BMP2K: variants seen among roughly 807,000 people sequenced by gnomAD.
The protein encoded by BMP2K is BMP-2-inducible protein kinase.
A neutral mutation model predicts 116.0 loss-of-function variants in BMP2K; 74 were observed. The observed-to-expected ratio is 0.64, with a 90% CI of 0.53 to 0.77. BMP2K has a LOEUF of 0.77. Ranked by LOEUF, BMP2K falls within the 30% of genes least tolerant of loss-of-function variation. The probability of loss-of-function intolerance (pLI) is 0.00; values close to 1 mark genes in which losing one functional copy is unlikely to be tolerated. For synonymous variants in BMP2K, 486 were observed against 502.5 expected (o/e 0.97, Z 0.44); for missense variants, 1,365 against 1,403.6 (o/e 0.97, Z 0.44).
At chr4:78,823,596 G>A (rs1174106574) in intron 1 of BMP2K, among the ~76,000 whole-genome samples, 4 of 147,272 alleles carry the variant, frequency 2.7e-5, no homozygotes, top group Non-Finnish European at 6.0e-5. Flanking sequence ...AGGTATATAT[G>A]TAGGTATATA....
At position 78,912,136 on chromosome 4, in the gene BMP2K, T is replaced by A; in HGVS notation, c.*103T>A. Reference sequence around the variant, plus strand: ...GGTAGCTCTTTATAGCATTCATTCTTAAAGATCAGTCAGAATAGGTGATTT... The same window carrying A: ...GGTAGCTCTTTATAGCATTCATTCTAAAAGATCAGTCAGAATAGGTGATTT... On this transcript the variant is annotated 3_prime_UTR_variant, in exon 16 of 16. Transcript: ENST00000502613. The A allele has an allele frequency of 9.7e-7, 1 of 1,027,778 alleles. No individual in the cohort carries two copies. Among genetic ancestry groups the A allele is most frequent in the Non-Finnish European group, 1.5e-6 (1 of 688,594 alleles). 63.7% of individuals were successfully genotyped at this position (1,027,778 alleles called of 1,614,324 possible).
At chr4:78,847,402 AC>A in intron 6 of BMP2K, 133 bp downstream of exon 6, 1 of 430,910 alleles carries the variant, frequency 2.3e-6, no homozygotes, top group Non-Finnish European at 4.0e-6. Flanking sequence ...AGAGCTTCTT[AC>A]TTGGGAGAAG....
intron 1 of BMP2K, among the ~76,000 whole-genome samples, chr4:78,782,958 A>G (rs569176605): frequency 2.0e-5 from 3 of 152,340 alleles, no homozygotes; most frequent in South Asian, 4.1e-4. Flanking sequence ...AATATCTATT[A>G]TGAAGATTAG....
At chr4:78,882,499 T>C (rs1732914736) in intron 14 of BMP2K, among the ~76,000 whole-genome samples, 1 of 151,828 alleles carries the variant, frequency 6.6e-6, no homozygotes, top group Non-Finnish European at 1.5e-5. Flanking sequence ...GAGTAGTATG[T>C]AAACTTTAGC....
intron 7 of BMP2K, among the ~76,000 whole-genome samples, chr4:78,851,779 G>A (rs1413551473): frequency 1.3e-5 from 2 of 151,998 alleles, no homozygotes; most frequent in African/African-American, 4.8e-5. Flanking sequence ...AAAAATAAAT[G>A]TACTTGAAGA....
chr4:78,820,481 ATGTG>A (rs1729565219), intron 1 of BMP2K, among the ~76,000 whole-genome samples: 1 of 151,916 alleles, frequency 6.6e-6, no homozygotes, highest in Non-Finnish European at 1.5e-5. Flanking sequence ...GTGTGTGTGA[ATGTG>A]TGTGTTATAT....
At chr4:78,866,127 G>T (rs1299564840) in intron 10 of BMP2K, among the ~76,000 whole-genome samples, 1 of 152,090 alleles carries the variant, frequency 6.6e-6, no homozygotes, top group African/African-American at 2.4e-5. Context: ...TTGGTGAAGG[G>T]CTATCTTGAA....
intron 1 of BMP2K, among the ~76,000 whole-genome samples, chr4:78,804,228 T>A (rs1728708731): frequency 6.6e-6 from 1 of 152,238 alleles, no homozygotes; most frequent in African/African-American, 2.4e-5. Flanking sequence ...TAATGTGGCC[T>A]CCTGTGCCTG....
At chr4:78,823,811 G>C (rs1401284586) in intron 1 of BMP2K, among the ~76,000 whole-genome samples, 2 of 151,896 alleles carry the variant, frequency 1.3e-5, no homozygotes, top group Non-Finnish European at 2.9e-5. Flanking sequence ...GAATAATCTA[G>C]ACCTAGATAG....
At chr4:78,778,357 A>G (rs1430927944) in intron 1 of BMP2K, among the ~76,000 whole-genome samples, 1 of 152,254 alleles carries the variant, frequency 6.6e-6, no homozygotes, top group Non-Finnish European at 1.5e-5. Context: ...GATGAATTTC[A>G]AAAGGAGAGT....
intron 2 of BMP2K, among the ~76,000 whole-genome samples, chr4:78,828,276 C>T (rs778715979): frequency 4.6e-5 from 7 of 152,140 alleles, no homozygotes; most frequent in African/African-American, 1.7e-4. Flanking sequence ...TGGTTAGTGG[C>T]ATATTTTAAA....
rs74789544 is a variant in BMP2K at position 78,905,923 on chromosome 4, T to C, written c.2063-4687T>C. 5.6e-3 allele frequency among the ~76,000 whole-genome samples: 849 copies of C among 152,174 alleles called. 11 individuals carry two copies. The highest frequency in any genetic ancestry group is 0.019 in the African/African-American group (804 of 41,568). ...TAAAGTGCTGTGCATTGTATAGTTA[T>C]AACCAACTTTATAACTTAAAATACT... On this transcript the variant is annotated intron_variant, in intron 15 of 15. Transcript: ENST00000502613.
rs1734956941 is a variant in BMP2K at position 78,915,424 on chromosome 4, ATTTGT to A, written c.*3395_*3399del. 1 of 151,854 alleles carries A rather than the reference ATTTGT, an allele frequency of 6.6e-6. No homozygotes were observed. Among genetic ancestry groups the A allele is most frequent in the African/African-American group, 2.4e-5 (1 of 41,386 alleles). 9.4% of individuals were successfully genotyped at this position (151,854 alleles called of 1,614,324 possible). On this transcript the variant is annotated 3_prime_UTR_variant, in exon 16 of 16. Transcript: ENST00000502613. ...CACTAGTTTTGAGGCGCTTGGGTAC[ATTTGT>A]TTTTAATATATTTAGAATGTGCAGT...
intron 7 of BMP2K, among the ~76,000 whole-genome samples, chr4:78,858,987 A>G (rs938846332): frequency 2.0e-5 from 3 of 151,918 alleles, no homozygotes; most frequent in African/African-American, 7.2e-5. Flanking sequence ...TCTGTTCATA[A>G]AAACCAGAAA....
intron 2 of BMP2K, among the ~76,000 whole-genome samples, chr4:78,830,569 G>T (rs904611846): frequency 6.6e-5 from 10 of 152,150 alleles, no homozygotes; most frequent in African/African-American, 1.9e-4. Flanking sequence ...TCCAATAGAA[G>T]GCTGTTTTGT....
intron 1 of BMP2K, among the ~76,000 whole-genome samples, chr4:78,805,851 G>A (rs1728792678): frequency 6.6e-6 from 1 of 152,032 alleles, no homozygotes; most frequent in African/African-American, 2.4e-5. Context: ...GGCGTTTGTA[G>A]TTCCAGCTAA....
At chr4:78,855,293 G>T (rs1731451488) in intron 7 of BMP2K, among the ~76,000 whole-genome samples, 1 of 152,132 alleles carries the variant, frequency 6.6e-6, no homozygotes, top group Admixed American at 6.6e-5. Flanking sequence ...TGGAGTGGAT[G>T]TTTCTCATTT....
intron 2 of BMP2K, among the ~76,000 whole-genome samples, chr4:78,832,393 TA>T (rs1441482891): frequency 6.6e-6 from 1 of 152,200 alleles, no homozygotes; most frequent in Non-Finnish European, 1.5e-5. Context: ...TCAACGTCTT[TA>T]CTAACACACA....
chr4:78,835,234 A>T (rs772985068), intron 3 of BMP2K, among the ~76,000 whole-genome samples: 69 of 152,200 alleles, frequency 4.5e-4, no homozygotes, highest in Non-Finnish European at 8.5e-4. Context: ...TGTTTTAAAA[A>T]TTTTTTAGAA....
Sources: gnomAD v4.1 joint callset for allele counts (sites outside exome capture counted in the v4.1 genomes callset) on GRCh38, gnomAD v4.1.1 for gene constraint, MANE v1.5 for transcripts, NCBI Gene and HGNC (gene_info 2026-07-23, HGNC 2026-07-21) for gene names.